Variants in NEURL1 observed in about 807,000 individuals in gnomAD.
NEURL1 encodes the protein E3 ubiquitin-protein ligase NEURL1.
Under a neutral mutation model 41.2 loss-of-function variants are expected in NEURL1, and 26 were observed. That is an observed-to-expected ratio of 0.63 (90% CI 0.46 to 0.87). The LOEUF (loss-of-function observed/expected upper bound fraction) is 0.87. Ranked by LOEUF, NEURL1 falls within the 40% of genes least tolerant of loss-of-function variation. NEURL1 has a pLI of 0.00. For synonymous variants in NEURL1, 400 were observed against 402.3 expected (o/e 0.99, Z 0.07); for missense variants, 761 against 871.1 (o/e 0.87, Z 1.59).
intron 1 of NEURL1, among the ~76,000 whole-genome samples, chr10:103,500,552 T>C (rs1357692096): frequency 6.6e-6 from 1 of 152,188 alleles, no homozygotes; most frequent in African/African-American, 2.4e-5. Context: ...TTTGCGTCTC[T>C]GGACAGAGCC....
At chr10:103,569,980 G>A (rs1240411255) in intron 1 of NEURL1, among the ~76,000 whole-genome samples, 1 of 152,214 alleles carries the variant, frequency 6.6e-6, no homozygotes, top group Non-Finnish European at 1.5e-5. Context: ...TTTTCTTCCT[G>A]TCTTCCATCT....
chr10:103,567,170 G>T (rs2035443220), intron 1 of NEURL1, among the ~76,000 whole-genome samples: 1 of 151,740 alleles, frequency 6.6e-6, no homozygotes, highest in South Asian at 2.1e-4. Flanking sequence ...TTTTAGTAGA[G>T]ACAGGGTTTC....
intron 3 of NEURL1, among the ~76,000 whole-genome samples, chr10:103,582,549 C>T (rs1053176027): frequency 4.6e-5 from 7 of 152,310 alleles, no homozygotes; most frequent in African/African-American, 1.4e-4. Context: ...GAAGGGCCCA[C>T]ACCCAGAGCT....
At chr10:103,562,702 T>A (rs999919344) in intron 1 of NEURL1, among the ~76,000 whole-genome samples, 1 of 151,972 alleles carries the variant, frequency 6.6e-6, no homozygotes, top group Admixed American at 6.6e-5. Context: ...GCTGATGGGG[T>A]CCTCAAAGGT....
intron 1 of NEURL1, among the ~76,000 whole-genome samples, chr10:103,535,927 G>A (rs942892838): frequency 1.3e-5 from 2 of 152,212 alleles, no homozygotes; most frequent in Non-Finnish European, 2.9e-5. Flanking sequence ...GCATAGCAGA[G>A]TAGCCATGTG....
chr10:103,504,719 T>C (rs1376810871), intron 1 of NEURL1, among the ~76,000 whole-genome samples: 3 of 152,210 alleles, frequency 2.0e-5, no homozygotes, highest in Middle Eastern at 3.2e-3. Context: ...ACGTTCCACC[T>C]CCTGGAGGCC....
chr10:103,533,704 T>C (rs569135870), intron 1 of NEURL1, among the ~76,000 whole-genome samples: 3 of 152,248 alleles, frequency 2.0e-5, no homozygotes, highest in Non-Finnish European at 4.4e-5. Context: ...ACCCGGCTAA[T>C]TTTTTGTATT....
intron 1 of NEURL1, among the ~76,000 whole-genome samples, chr10:103,532,920 C>CTT (rs144783148): frequency 6.9e-3 from 440 of 63,580 alleles, no homozygotes; most frequent in Non-Finnish European, 8.7e-3. Flanking sequence ...TTCTCTTCTC[C>CTT]TTTTTTTTTT....
rs11191714 is a variant in NEURL1, at chr10:103,504,380, T to C, written c.85+9908T>C. Among the ~76,000 whole-genome samples, 1,513 of 152,302 alleles carry C rather than the reference T, an allele frequency of 9.9e-3. 14 individuals are homozygous for C. Among genetic ancestry groups the C allele is most frequent in the Non-Finnish European group, 0.016 (1,056 of 68,026 alleles). On this transcript the variant is annotated intron_variant, in intron 1 of 5. Coordinates refer to ENST00000369780, the MANE Select transcript of NEURL1 (RefSeq NM_004210.5). ...TTGATGACCTTGACAGTTTTGAGGATTACTGGTTACGTATTTGTAGACTGT... is the reference window on the plus strand; with the variant it reads ...TTGATGACCTTGACAGTTTTGAGGACTACTGGTTACGTATTTGTAGACTGT...
intron 1 of NEURL1, among the ~76,000 whole-genome samples, chr10:103,533,831 C>T (rs138301912): frequency 0.18 from 27,840 of 151,548 alleles, 2,850 homozygotes; most frequent in Non-Finnish European, 0.23. Flanking sequence ...CCACCGCTCC[C>T]GGCCTAATTT....
Position 103,584,680 on chromosome 10 carries a change from C to T in NEURL1, c.794C>T (p.Ala265Val). The change falls in exon 4 of 6, where the codon GCC becomes GTC. Residue 265 changes from alanine to valine, a missense_variant. Around this residue, in one of 5 missense-constraint regions of NEURL1, gnomAD observed 443 missense variants for 408.1 expected, o/e 1.09. Transcript: ENST00000369780. ...GTGCCGGGCGCGGACGGCGACGAGGCCGCGCCGGCCGCCGGCTGCCCCATC... is the reference window on the plus strand; with the variant it reads ...GTGCCGGGCGCGGACGGCGACGAGGTCGCGCCGGCCGCCGGCTGCCCCATC... ...LNVPGADGDE[A>V]APAAGCPIPQ... 2 of 1,429,930 alleles carry T rather than the reference C, an allele frequency of 1.4e-6. No homozygotes were observed. The highest frequency in any genetic ancestry group is 1.5e-5 in the African/African-American group (1 of 67,060). The allele number at this position is 1,429,930 out of a possible 1,614,324, so 88.6% of individuals were successfully genotyped here.
chr10:103,555,219 C>T (rs1226421476), intron 1 of NEURL1: 1 of 715,216 alleles, frequency 1.4e-6, no homozygotes, highest in Admixed American at 1.0e-4. Flanking sequence ...GGAGGGGGCG[C>T]GTGGGGGCGC....
chr10:103,537,970 A>G (rs1426798527), intron 1 of NEURL1, among the ~76,000 whole-genome samples: 1 of 152,104 alleles, frequency 6.6e-6, no homozygotes, highest in East Asian at 1.9e-4. Flanking sequence ...ATTAGTTTAC[A>G]GTTTTTAGAG....
At chr10:103,526,077 G>C (rs1291701634) in intron 1 of NEURL1, among the ~76,000 whole-genome samples, 1 of 152,144 alleles carries the variant, frequency 6.6e-6, no homozygotes, top group East Asian at 1.9e-4. Flanking sequence ...GTATCCCTGA[G>C]ATAAATTCTG....
chr10:103,502,107 T>C (rs1416380358), intron 1 of NEURL1, among the ~76,000 whole-genome samples: 1 of 152,134 alleles, frequency 6.6e-6, no homozygotes, highest in Non-Finnish European at 1.5e-5. Flanking sequence ...CTGAGATTAA[T>C]GGATGTGAAG....
At chr10:103,579,797 C>A (rs147479018) in intron 3 of NEURL1, among the ~76,000 whole-genome samples, 1 of 152,176 alleles carries the variant, frequency 6.6e-6, no homozygotes, top group African/African-American at 2.4e-5. Context: ...CAAAAATTAG[C>A]CAGGCGTGGT....
At chr10:103,583,610 A>G (rs2035829870) in intron 3 of NEURL1, among the ~76,000 whole-genome samples, 2 of 136,806 alleles carry the variant, frequency 1.5e-5, no homozygotes, top group Admixed American at 1.6e-4. Context: ...TGGGAGGCTG[A>G]GGTGAGGATG....
In NEURL1 at chr10:103,571,493, C is replaced by A; in HGVS notation, c.328-8C>A. On this transcript the variant is annotated splice_polypyrimidine_tract_variant and splice_region_variant and intron_variant, in intron 2 of 5. Transcript: ENST00000369780. The stretch of plus-strand genomic sequence containing the variant: ...GAGGGTGGGCTGAGGCCACCCCCTG[C>A]CACCCAGATCACCAAGAAGCAGTGC... The A allele has an allele frequency of 6.3e-7, 1 of 1,593,554 alleles. No homozygotes were observed. The highest frequency in any genetic ancestry group is 8.5e-7 in the Non-Finnish European group (1 of 1,174,918).
At chr10:103,533,599 C>G (rs548853245) in intron 1 of NEURL1, among the ~76,000 whole-genome samples, 1 of 150,390 alleles carries the variant, frequency 6.6e-6, no homozygotes, top group African/African-American at 2.5e-5. Flanking sequence ...TGCAGTGGCG[C>G]GATCTTGGCT....
Sources: gnomAD v4.1 joint callset for allele counts (sites outside exome capture counted in the v4.1 genomes callset) on GRCh38, gnomAD v4.1.1 for gene constraint, gnomAD v4.1.1 regional missense constraint, MANE v1.5 for transcripts, NCBI Gene and HGNC (gene_info 2026-07-23, HGNC 2026-07-21) for gene names.